CDH6: variants seen among roughly 807,000 people sequenced by gnomAD.
CDH6 encodes cadherin-6.
CDH6 carries 31 observed loss-of-function variants against 78.0 expected under a neutral mutation model. That is an observed-to-expected ratio of 0.40 (90% confidence interval 0.30 to 0.54). The LOEUF is 0.54. Ranked by LOEUF, CDH6 falls within the 20% of genes least tolerant of loss-of-function variation. The pLI, the probability that CDH6 is intolerant of heterozygous loss-of-function variation, is 0.56. For synonymous variants in CDH6, 376 were observed against 368.8 expected (o/e 1.02, Z -0.23); for missense variants, 724 against 975.9 (o/e 0.74, Z 3.44).
At chr5:31,319,648 G>T (rs781138696) in intron 11 of CDH6, among the ~76,000 whole-genome samples, 5 of 152,180 alleles carry the variant, frequency 3.3e-5, no homozygotes, top group Non-Finnish European at 7.3e-5. Context: ...AATGCAGGGC[G>T]ATTTCCAGGC....
At chr5:31,278,806 T>C (rs1442978806) in intron 2 of CDH6, among the ~76,000 whole-genome samples, 4 of 152,176 alleles carry the variant, frequency 2.6e-5, no homozygotes, top group Non-Finnish European at 4.4e-5. Context: ...TGGAAAATAA[T>C]CTCATCTTAA....
chr5:31,215,232 C>G (rs1025986667), intron 1 of CDH6, among the ~76,000 whole-genome samples: 3 of 152,100 alleles, frequency 2.0e-5, no homozygotes, highest in African/African-American at 7.2e-5. Context: ...GGTATGAATA[C>G]TATTCAACCT....
intron 7 of CDH6, among the ~76,000 whole-genome samples, chr5:31,307,642 T>G (rs1173876005): frequency 6.6e-6 from 1 of 152,230 alleles, no homozygotes; most frequent in Non-Finnish European, 1.5e-5. Flanking sequence ...AACTACTCTC[T>G]CTTGGAGTTT....
At chr5:31,292,874 T>TATATATATATAA (rs1737447062) in intron 2 of CDH6, among the ~76,000 whole-genome samples, 2 of 117,966 alleles carry the variant, frequency 1.7e-5, no homozygotes, top group African/African-American at 6.1e-5. Context: ...TATATATATA[T>TATATATATATAA]GTATGTGTTT....
At chr5:31,272,860 T>C (rs1306352413) in intron 2 of CDH6, among the ~76,000 whole-genome samples, 1 of 152,148 alleles carries the variant, frequency 6.6e-6, no homozygotes, top group East Asian at 1.9e-4. Context: ...CTGATGGAAG[T>C]TGGTGTTGGT....
chr5:31,311,699 T>C (rs985760742), intron 7 of CDH6, among the ~76,000 whole-genome samples: 4 of 152,186 alleles, frequency 2.6e-5, no homozygotes, highest in Admixed American at 6.5e-5. Flanking sequence ...CTTGTAATCA[T>C]GGCGAAATGT....
intron 1 of CDH6, among the ~76,000 whole-genome samples, chr5:31,261,175 T>G (rs758041685): frequency 6.6e-6 from 1 of 152,216 alleles, no homozygotes; most frequent in Non-Finnish European, 1.5e-5. Flanking sequence ...TCATTCTGTT[T>G]CCTTAATTTT....
chr5:31,209,498 G>T (rs913387166), intron 1 of CDH6, among the ~76,000 whole-genome samples: 4 of 152,192 alleles, frequency 2.6e-5, no homozygotes, highest in African/African-American at 9.6e-5. Context: ...GCTAGTGGGA[G>T]TAAAGGGGAA....
chr5:31,297,446 T>C (rs1400532591), intron 4 of CDH6, 38 bp downstream of exon 4: 1 of 1,489,586 alleles, frequency 6.7e-7, no homozygotes, highest in African/African-American at 1.4e-5. Flanking sequence ...AATCTATAAT[T>C]TTAATTGACA....
At chr5:31,238,529 T>C (rs1453036993) in intron 1 of CDH6, among the ~76,000 whole-genome samples, 1 of 152,228 alleles carries the variant, frequency 6.6e-6, no homozygotes, top group African/African-American at 2.4e-5. Context: ...TCTTTTGTTT[T>C]CACTATCGTA....
chr5:31,295,411 C>A (rs1396705342), intron 3 of CDH6, among the ~76,000 whole-genome samples: 1 of 152,116 alleles, frequency 6.6e-6, no homozygotes, highest in East Asian at 1.9e-4. Context: ...GCAACTGTAA[C>A]CAGCTATGCA....
intron 7 of CDH6, among the ~76,000 whole-genome samples, chr5:31,305,651 C>G (rs1428344569): frequency 6.6e-6 from 1 of 152,146 alleles, no homozygotes; most frequent in East Asian, 1.9e-4. Context: ...GGGATTGGTT[C>G]CAGGCCCACC....
intron 1 of CDH6, among the ~76,000 whole-genome samples, chr5:31,263,797 T>C (rs1742274708): frequency 6.6e-6 from 1 of 152,206 alleles, no homozygotes; most frequent in African/African-American, 2.4e-5. Context: ...GCAGATATCA[T>C]TCATTTTAAC....
At chr5:31,299,749 G>T in intron 5 of CDH6, 118 bp downstream of exon 5, 1 of 805,684 alleles carries the variant, frequency 1.2e-6, no homozygotes, top group Non-Finnish European at 2.0e-6. Context: ...AAGAAGAACT[G>T]GTACTTTTAT....
chr5:31,274,131 G>A (rs905865840), intron 2 of CDH6, among the ~76,000 whole-genome samples: 4 of 152,156 alleles, frequency 2.6e-5, no homozygotes, highest in Non-Finnish European at 5.9e-5. Context: ...CTTGCTCATT[G>A]GATATACTTC....
chr5:31,279,896 G>A (rs930352656), intron 2 of CDH6, among the ~76,000 whole-genome samples: 2 of 152,172 alleles, frequency 1.3e-5, no homozygotes, highest in Non-Finnish European at 2.9e-5. Flanking sequence ...ACAAAGGGCA[G>A]CTATTTAGCT....
At chr5:31,260,079 A>G (rs1742172451) in intron 1 of CDH6, among the ~76,000 whole-genome samples, 1 of 152,256 alleles carries the variant, frequency 6.6e-6, no homozygotes, top group Admixed American at 6.5e-5. Flanking sequence ...CAAAAAATGC[A>G]CAAGAGGCAA....
chr5:31,226,651 G>C (rs1251152179), intron 1 of CDH6, among the ~76,000 whole-genome samples: 2 of 151,954 alleles, frequency 1.3e-5, no homozygotes, highest in Non-Finnish European at 2.9e-5. Context: ...GTCCCTTTTT[G>C]CCTCCTCTCC....
At chr5:31,203,992 A>G (rs1206070703) in intron 1 of CDH6, among the ~76,000 whole-genome samples, 1 of 152,212 alleles carries the variant, frequency 6.6e-6, no homozygotes, top group Non-Finnish European at 1.5e-5. Context: ...GAGTTAATGT[A>G]CCCAAGAGGA....
Sources: allele counts gnomAD v4.1 joint callset (sites outside exome capture counted in the v4.1 genomes callset), GRCh38; gene constraint gnomAD v4.1.1; transcripts MANE v1.5; gene names NCBI Gene and HGNC (gene_info 2026-07-23, HGNC 2026-07-21).